The following CIB1 variants were observed in gnomAD, a reference collection of about 807,000 sequenced individuals.
The protein encoded by CIB1 is calcium and integrin binding 1, also known as calcium and integrin-binding protein 1.
CIB1 carries 19 observed loss-of-function variants against 25.0 expected under a neutral mutation model. That is an observed-to-expected ratio of 0.76 (90% CI 0.53 to 1.12). The LOEUF is 1.12. CIB1 is among the 50% of genes most tolerant of loss of function. The pLI is 0.00. For synonymous variants in CIB1, 104 were observed against 98.5 expected (o/e 1.06, Z -0.33); for missense variants, 236 against 242.6 (o/e 0.97, Z 0.18).
At chr15:90,233,793 A>T in intron 1 of CIB1, 42 bp downstream of exon 1, 5 of 1,550,752 alleles carry the variant, frequency 3.2e-6, no homozygotes, top group Non-Finnish European at 4.4e-6. Context: ...TCCCGAGAAG[A>T]GGCCCGCACG....
chr15:90,265,544 G>A, the CIB1 span: 4 of 1,393,288 alleles, frequency 2.9e-6, no homozygotes, highest in Non-Finnish European at 3.8e-6. Flanking sequence ...GTTACAGGCA[G>A]AAAGGGTGGG....
At chr15:90,251,932 T>C in the CIB1 span, among the ~76,000 whole-genome samples, 10 of 151,976 alleles carry the variant, frequency 6.6e-5, no homozygotes, top group Non-Finnish European at 1.2e-4. Flanking sequence ...TGGAGTGCAG[T>C]ATTGCAATCA....
At chr15:90,256,227 T>A in the CIB1 span, 1 of 1,614,152 alleles carries the variant, frequency 6.2e-7, no homozygotes, top group Non-Finnish European at 8.5e-7. Context: ...GGACGTGGCA[T>A]CTTCATTACC....
the CIB1 span, among the ~76,000 whole-genome samples, chr15:90,260,126 T>TA: frequency 6.6e-6 from 1 of 152,102 alleles, no homozygotes; most frequent in Admixed American, 6.6e-5. Context: ...TGTCTTTCAA[T>TA]AAGGAAAAAT....
At chr15:90,263,893 G>A in the CIB1 span, 8 of 1,178,540 alleles carry the variant, frequency 6.8e-6, no homozygotes, top group East Asian at 1.0e-4. Context: ...GATCTTAGGG[G>A]CACTGCCAAG....
intron 1 of CIB1, 60 bp downstream of exon 1, chr15:90,233,775 G>C: frequency 1.3e-6 from 2 of 1,551,578 alleles, no homozygotes; most frequent in South Asian, 2.4e-5. Flanking sequence ...CCAGCTCCCG[G>C]ACCCTGCTCC....
Position 90,231,094 on chromosome 15 carries a change from C to A in CIB1, c.465+1G>T. 1.2e-6 allele frequency: 2 copies of A among 1,613,768 alleles called. No homozygotes were observed. The highest frequency in any genetic ancestry group is 1.1e-5 in the South Asian group (1 of 91,068). Reference sequence around the variant, plus strand: ...GCTCCCAGGCCTGCTCAGCTGCTCACGTTGTCGATGAGCTGCTTCATCTCA... The same window carrying A: ...GCTCCCAGGCCTGCTCAGCTGCTCAAGTTGTCGATGAGCTGCTTCATCTCA... On this transcript the variant is annotated splice_donor_variant, in intron 5 of 6. Transcript: ENST00000328649. LOFTEE classifies it high-confidence loss of function.
chr15:90,241,607 G>A, the CIB1 span: 13 of 1,613,666 alleles, frequency 8.1e-6, no homozygotes, highest in African/African-American at 1.3e-5. Context: ...TGGAGCAGGC[G>A]CCAAGCGAGC....
chr15:90,245,609 C>T, the CIB1 span: 2 of 152,088 alleles, frequency 1.3e-5, no homozygotes, highest in African/African-American at 4.8e-5. Flanking sequence ...CAGTATCACA[C>T]TTAATTTTGC....
the CIB1 span, among the ~76,000 whole-genome samples, chr15:90,259,546 T>C: frequency 2.0e-5 from 3 of 152,176 alleles, no homozygotes; most frequent in Non-Finnish European, 4.4e-5. Context: ...ATTTAATATA[T>C]ATGTATTTAT....
In CIB1 at chr15:90,233,710, G is replaced by A. The variant is rs764503787; in HGVS notation, c.52-7C>T. 5 of 1,571,648 alleles carry A rather than the reference G, an allele frequency of 3.2e-6. No homozygotes were observed. The highest frequency in any genetic ancestry group is 3.5e-6 in the Non-Finnish European group (4 of 1,158,104). On this transcript the variant is annotated splice_region_variant and splice_polypyrimidine_tract_variant and intron_variant, in intron 1 of 6. Coordinates refer to ENST00000328649, the MANE Select transcript of CIB1 (RefSeq NM_006384.4). Reference sequence around the variant, plus strand: ...TCGTCAGGAACGTCAAGTCCTGGAAGGCAAAGCCAGAGCGGGGATTAGCGG... The same window carrying A: ...TCGTCAGGAACGTCAAGTCCTGGAAAGCAAAGCCAGAGCGGGGATTAGCGG...
chr15:90,256,009 G>A, the CIB1 span: 1 of 1,563,202 alleles, frequency 6.4e-7, no homozygotes, highest in Non-Finnish European at 8.7e-7. Context: ...AGTTTCAGCT[G>A]GTCAAAGAAA....
chr15:90,262,491 G>T, the CIB1 span: 7 of 1,478,446 alleles, frequency 4.7e-6, no homozygotes, highest in South Asian at 1.4e-5. Flanking sequence ...TGTCTTGTCA[G>T]GCAGCAACTA....
chr15:90,256,606 T>TTTCCTTCC, the CIB1 span, among the ~76,000 whole-genome samples: 33 of 30,546 alleles, frequency 1.1e-3, no homozygotes, highest in South Asian at 1.6e-3. Context: ...TCTTTCTTTC[T>TTTCCTTCC]TTCCTTCCTT....
the CIB1 span, among the ~76,000 whole-genome samples, chr15:90,254,616 T>C: frequency 3.3e-5 from 5 of 151,404 alleles, no homozygotes; most frequent in African/African-American, 9.7e-5. Context: ...GGTGGGCAGA[T>C]TGCTTGAACT....
At chr15:90,247,655 CTA>C in the CIB1 span, among the ~76,000 whole-genome samples, 1 of 151,436 alleles carries the variant, frequency 6.6e-6, no homozygotes, top group East Asian at 1.9e-4. Context: ...TTGTAGCACT[CTA>C]TACATTTGCT....
chr15:90,237,212 G>A (rs908248038), upstream of CIB1, among the ~76,000 whole-genome samples: 10 of 151,260 alleles, frequency 6.6e-5, no homozygotes, highest in Non-Finnish European at 1.3e-4. Context: ...ACCCACCTTG[G>A]CCCCCCAGAG....
At chr15:90,241,902 C>T in the CIB1 span, 1 of 1,614,088 alleles carries the variant, frequency 6.2e-7, no homozygotes, top group Non-Finnish European at 8.5e-7. Context: ...CAATGTTGCC[C>T]TCTGTGAGCT....
chr15:90,255,257 G>A, the CIB1 span, among the ~76,000 whole-genome samples: 21 of 152,214 alleles, frequency 1.4e-4, no homozygotes, highest in Non-Finnish European at 2.9e-5. Context: ...CACCCATCCA[G>A]CAGGACAGAG....
Sources: gnomAD v4.1 joint callset for allele counts (sites outside exome capture counted in the v4.1 genomes callset) on GRCh38, gnomAD v4.1.1 for gene constraint, MANE v1.5 for transcripts, NCBI Gene and HGNC (gene_info 2026-07-23, HGNC 2026-07-21) for gene names.